PHF24: variants seen among roughly 807,000 people sequenced by gnomAD.
PHF24 encodes Galpha inhibitory interacting protein.
In PHF24, 25 loss-of-function variants were observed where a neutral mutation model predicts 42.6. That is an observed-to-expected ratio of 0.59 (90% CI 0.43 to 0.82). The LOEUF is 0.82. Ranked by LOEUF, PHF24 falls within the 40% of genes least tolerant of loss-of-function variation. The pLI is 0.00. For missense variants in PHF24, 470 were observed against 538.1 expected (o/e 0.87, Z 1.25); for synonymous variants, 185 against 204.8 (o/e 0.90, Z 0.83).
At chr9:34,962,254 T>G (rs558709262) in intron 1 of PHF24, among the ~76,000 whole-genome samples, 29 of 152,348 alleles carry the variant, frequency 1.9e-4, no homozygotes, top group Admixed American at 3.9e-4. Flanking sequence ...TTTCCTTGCC[T>G]ATTTCTATCT....
the PHF24 span, among the ~76,000 whole-genome samples, chr9:34,796,427 A>G: frequency 1.3e-5 from 2 of 152,026 alleles, no homozygotes; most frequent in Non-Finnish European, 2.9e-5. Context: ...AAATTTAAAA[A>G]AAAACAAGAT....
At chr9:34,706,677 G>T in the PHF24 span, among the ~76,000 whole-genome samples, 590 of 152,318 alleles carry the variant, frequency 3.9e-3, 4 homozygotes, top group African/African-American at 0.013. Context: ...AGGCATGCAG[G>T]TGTGGCAGGA....
chr9:34,900,864 G>A, the PHF24 span, among the ~76,000 whole-genome samples: 1 of 152,130 alleles, frequency 6.6e-6, no homozygotes, highest in African/African-American at 2.4e-5. Flanking sequence ...ACACAGCAAG[G>A]AAGCCCTCAT....
the PHF24 span, among the ~76,000 whole-genome samples, chr9:34,708,184 A>G: frequency 6.6e-6 from 1 of 152,172 alleles, no homozygotes; most frequent in East Asian, 1.9e-4. Context: ...GAGGAGAGCC[A>G]TCTGAGGCCT....
At chr9:34,942,862 AGGG>A in the PHF24 span, among the ~76,000 whole-genome samples, 13 of 150,890 alleles carry the variant, frequency 8.6e-5, no homozygotes, top group African/African-American at 2.5e-4. Context: ...GATGGGGGGC[AGGG>A]GGGAGGCATA....
At chr9:34,734,555 AG>A in the PHF24 span, among the ~76,000 whole-genome samples, 1 of 152,236 alleles carries the variant, frequency 6.6e-6, no homozygotes, top group Non-Finnish European at 1.5e-5. Flanking sequence ...TGCTAGATGA[AG>A]AGCAGTAAGT....
intron 1 of PHF24, among the ~76,000 whole-genome samples, chr9:34,961,627 A>G (rs924292997): frequency 1.3e-5 from 2 of 152,222 alleles, no homozygotes; most frequent in Non-Finnish European, 2.9e-5. Flanking sequence ...CACAGGAACC[A>G]ATATAGAGTA....
At chr9:34,910,027 G>GGAGTT in the PHF24 span, among the ~76,000 whole-genome samples, 250 of 152,284 alleles carry the variant, frequency 1.6e-3, no homozygotes, top group African/African-American at 5.1e-3. Context: ...CTGTACTTCA[G>GGAGTT]GAGTTAATAA....
chr9:34,909,923 A>G, the PHF24 span, among the ~76,000 whole-genome samples: 5 of 152,166 alleles, frequency 3.3e-5, no homozygotes, highest in Admixed American at 2.0e-4. Flanking sequence ...CACCGCGCCC[A>G]GCCGAAGAAA....
exon 8 of PHF24, chr9:34,979,261 A>T (rs1827311338): frequency 7.0e-6 from 1 of 142,686 alleles, no homozygotes; most frequent in African/African-American, 2.5e-5. Flanking sequence ...CTTACAGAAG[A>T]AGTTTTCCGC....
chr9:34,778,452 C>T, the PHF24 span, among the ~76,000 whole-genome samples: 2 of 152,078 alleles, frequency 1.3e-5, no homozygotes, highest in Admixed American at 6.6e-5. Flanking sequence ...AACTAGCAAC[C>T]ATAGGAGAGC....
intron 1 of PHF24, among the ~76,000 whole-genome samples, chr9:34,964,319 G>T (rs1826695299): frequency 6.6e-6 from 1 of 152,178 alleles, no homozygotes; most frequent in South Asian, 2.1e-4. Context: ...TGAGGCAGGA[G>T]AATCACTTGA....
At chr9:34,779,281 A>G in the PHF24 span, among the ~76,000 whole-genome samples, 1 of 152,170 alleles carries the variant, frequency 6.6e-6, no homozygotes, top group Non-Finnish European at 1.5e-5. Context: ...AAAAGAATAG[A>G]GAAAAATCAA....
chr9:34,676,530 G>A, the PHF24 span, among the ~76,000 whole-genome samples: 3 of 152,248 alleles, frequency 2.0e-5, no homozygotes, highest in Admixed American at 6.5e-5. Context: ...AAGAGCCAGG[G>A]ATGGTGTACA....
chr9:34,963,411 G>C (rs1018393875), intron 1 of PHF24, among the ~76,000 whole-genome samples: 6 of 152,266 alleles, frequency 3.9e-5, no homozygotes, highest in Non-Finnish European at 8.8e-5. Context: ...GTCACCTTCT[G>C]TGTTAGGCAT....
At chr9:34,903,825 ATTTG>A in the PHF24 span, among the ~76,000 whole-genome samples, 1 of 152,046 alleles carries the variant, frequency 6.6e-6, no homozygotes, top group Non-Finnish European at 1.5e-5. Context: ...ATGTGTTTCC[ATTTG>A]TTTGTGTCAT....
intron 1 of PHF24, among the ~76,000 whole-genome samples, chr9:34,968,017 T>C (rs1826839216): frequency 6.6e-6 from 1 of 152,228 alleles, no homozygotes; most frequent in South Asian, 2.1e-4. Flanking sequence ...TTTGTTTTAT[T>C]ATCTAATTAA....
At chr9:34,964,702 A>T (rs7039450) in intron 1 of PHF24, among the ~76,000 whole-genome samples, 83,498 of 152,040 alleles carry the variant, frequency 0.55, 23,738 homozygotes, top group East Asian at 0.7. Context: ...GCTGCCCACA[A>T]ATGTCTTACT....
the PHF24 span, chr9:34,710,005 G>T: frequency 1.2e-6 from 2 of 1,614,144 alleles, no homozygotes; most frequent in Non-Finnish European, 1.7e-6. Context: ...GGTACCTTGG[G>T]TCCTGGGGAT....
Sources: allele counts gnomAD v4.1 joint callset (sites outside exome capture counted in the v4.1 genomes callset), GRCh38; gene constraint gnomAD v4.1.1; transcripts MANE v1.5; gene names NCBI Gene and HGNC (gene_info 2026-07-23, HGNC 2026-07-21).